RORB: variants seen among roughly 807,000 people sequenced by gnomAD.
The protein encoded by RORB is RAR related orphan receptor B.
Under a neutral mutation model 59.1 loss-of-function variants are expected in RORB, and 6 were observed. The ratio of observed to expected loss-of-function variants is 0.10; its 90% CI spans 0.06 to 0.20. The LOEUF (loss-of-function observed/expected upper bound fraction) is 0.20, where lower values mean the gene tolerates loss of function less well. RORB is among the 10% of genes least tolerant of loss of function. RORB has a pLI of 1.00. For missense variants in RORB, 320 were observed against 560.5 expected, an observed-to-expected ratio of 0.57 and a Z score of 4.33; for synonymous variants, 215 against 204.5, an observed-to-expected ratio of 1.05 and a Z score of -0.44.
intron 1 of RORB, among the ~76,000 whole-genome samples, chr9:74,570,941 C>T (rs1221551696): frequency 2.0e-5 from 3 of 151,210 alleles, no homozygotes; most frequent in Admixed American, 2.0e-4. Flanking sequence ...TTCTGGGAAT[C>T]ACACTATTGT....
intron 1 of RORB, among the ~76,000 whole-genome samples, chr9:74,560,754 TCA>T (rs1260850607): frequency 1.3e-5 from 2 of 152,044 alleles, no homozygotes; most frequent in Non-Finnish European, 2.9e-5. Context: ...TACGTGATTA[TCA>T]CAGTTTATTT....
intron 1 of RORB, among the ~76,000 whole-genome samples, chr9:74,589,304 T>G (rs1444249066): frequency 2.0e-5 from 3 of 152,200 alleles, no homozygotes; most frequent in Non-Finnish European, 4.4e-5. Flanking sequence ...TTTAAGTGTG[T>G]TCCTGTGTCT....
At chr9:74,590,959 C>G (rs1741716350) in intron 1 of RORB, among the ~76,000 whole-genome samples, 1 of 152,054 alleles carries the variant, frequency 6.6e-6, no homozygotes, top group South Asian at 2.1e-4. Flanking sequence ...CCAGGCCCAG[C>G]TAACTTTTTG....
chr9:74,580,504 A>G (rs1417472067), intron 1 of RORB, among the ~76,000 whole-genome samples: 1 of 152,198 alleles, frequency 6.6e-6, no homozygotes, highest in East Asian at 1.9e-4. Context: ...GTAAAGTCTC[A>G]TTGGTACACT....
Position 74,685,851 on chromosome 9 carries a change from C to T in RORB, c.*233C>T, listed in dbSNP as rs1009247937. Reference sequence around the variant, plus strand: ...ACCATAAATATACAAATATAGGACACTGGGTGTTATCCTTTTTTTAATTTT... The same window carrying T: ...ACCATAAATATACAAATATAGGACATTGGGTGTTATCCTTTTTTTAATTTT... On this transcript the variant is annotated 3_prime_UTR_variant, in exon 10 of 10. Transcript: ENST00000376896. 6.2e-6 allele frequency: 2 copies of T among 321,090 alleles called. No individual in the cohort carries two copies. The highest frequency in any genetic ancestry group is 1.1e-5 in the Non-Finnish European group (2 of 177,486). 19.9% of individuals were successfully genotyped at this position (321,090 alleles called of 1,614,324 possible). A position where few individuals can be genotyped will look rare whatever the true frequency, so the allele number is the denominator to read the frequency against.
chr9:74,657,194 C>T (rs1001934653), intron 4 of RORB, among the ~76,000 whole-genome samples: 5 of 152,096 alleles, frequency 3.3e-5, no homozygotes, highest in African/African-American at 4.8e-5. Flanking sequence ...TACAGGCACC[C>T]GCCACCATGC....
rs867220586 is a variant in RORB at position 74,556,381 on chromosome 9, C to T, written c.7+58398C>T. Among the ~76,000 whole-genome samples the T allele has an allele frequency of 2.6e-5, 4 of 152,146 alleles. No homozygotes were observed. The South Asian group carries it at 8.3e-4, about 32-fold the overall frequency. ...TAAAATGAGCCTTTCAAAAGGAACT[C>T]TTGCTTTTAAAATGTGGCATAAATG... On this transcript the variant is annotated intron_variant, in intron 1 of 9. Transcript: ENST00000376896.
intron 9 of RORB, among the ~76,000 whole-genome samples, chr9:74,683,165 C>A (rs1824574701): frequency 6.6e-6 from 1 of 152,210 alleles, no homozygotes; most frequent in South Asian, 2.1e-4. Flanking sequence ...AAGAGCTCTG[C>A]ACATCATCAA....
intron 4 of RORB, among the ~76,000 whole-genome samples, chr9:74,655,455 T>A (rs1376143461): frequency 1.3e-5 from 2 of 152,224 alleles, no homozygotes; most frequent in Non-Finnish European, 2.9e-5. Flanking sequence ...TGAAAACAGC[T>A]GCAATCCAAG....
intron 4 of RORB, among the ~76,000 whole-genome samples, chr9:74,652,598 G>A (rs1824012839): frequency 6.6e-6 from 1 of 151,836 alleles, no homozygotes; most frequent in Admixed American, 6.6e-5. Context: ...TTAAAAGTTA[G>A]CATAGTATCT....
chr9:74,625,666 C>T (rs73547370), intron 1 of RORB, among the ~76,000 whole-genome samples: 4,890 of 152,230 alleles, frequency 0.032, 256 homozygotes, highest in African/African-American at 0.11. Context: ...TATCAAATCT[C>T]GTGGTTGTAC....
intron 8 of RORB, among the ~76,000 whole-genome samples, chr9:74,671,567 G>A (rs1824346146): frequency 6.6e-6 from 1 of 152,180 alleles, no homozygotes; most frequent in Non-Finnish European, 1.5e-5. Flanking sequence ...GAACCATTGT[G>A]TCCTTTCCTC....
intron 1 of RORB, among the ~76,000 whole-genome samples, chr9:74,558,787 C>G (rs1005275344): frequency 2.0e-5 from 3 of 152,034 alleles, no homozygotes; most frequent in Admixed American, 6.6e-5. Flanking sequence ...AATCTGCAAG[C>G]CCCGCTTGTG....
At chr9:74,646,311 C>A (rs1227806680) in intron 4 of RORB, among the ~76,000 whole-genome samples, 1 of 152,070 alleles carries the variant, frequency 6.6e-6, no homozygotes, top group Non-Finnish European at 1.5e-5. Flanking sequence ...ACTAAGATCT[C>A]ATGAGTTTGA....
At chr9:74,533,767 G>A (rs1826280646) in intron 1 of RORB, among the ~76,000 whole-genome samples, 1 of 152,006 alleles carries the variant, frequency 6.6e-6, no homozygotes, top group South Asian at 2.1e-4. Flanking sequence ...CTAGATAAAT[G>A]TCTAATTCCT....
chr9:74,571,673 C>T (rs1273584923), intron 1 of RORB, among the ~76,000 whole-genome samples: 2 of 151,872 alleles, frequency 1.3e-5, no homozygotes, highest in Admixed American at 6.6e-5. Context: ...TTGTTTTAAA[C>T]TTTGAGGTTA....
Position 74,686,580 on chromosome 9 carries a change from T to C in RORB, c.*962T>C, listed in dbSNP as rs1358295888. 6.6e-6 allele frequency: 1 copy of C among 152,220 alleles called. No individual in the cohort carries two copies. The highest frequency in any genetic ancestry group is 1.5e-5 in the Non-Finnish European group (1 of 68,020). 9.4% of individuals were successfully genotyped at this position (152,220 alleles called of 1,614,324 possible). A position where few individuals can be genotyped will look rare whatever the true frequency, so the allele number is the denominator to read the frequency against. On this transcript the variant is annotated 3_prime_UTR_variant, in exon 10 of 10. Transcript: ENST00000376896. ...TTCTGGTTGTGAAACAAGCTTGATT[T>C]CAGTGCTTATTGTGTCTTCAACTGA...
intron 6 of RORB, among the ~76,000 whole-genome samples, chr9:74,663,987 C>G (rs918015887): frequency 1.3e-5 from 2 of 152,064 alleles, no homozygotes; most frequent in African/African-American, 4.8e-5. Flanking sequence ...AAGCCCCACC[C>G]AGATTCAAAG....
intron 1 of RORB, among the ~76,000 whole-genome samples, chr9:74,523,127 T>C (rs1826106165): frequency 6.6e-6 from 1 of 151,870 alleles, no homozygotes; most frequent in Admixed American, 6.6e-5. Flanking sequence ...GCTATAGTCT[T>C]ATGTTTTTCC....
Sources: allele counts gnomAD v4.1 joint callset (sites outside exome capture counted in the v4.1 genomes callset), GRCh38; gene constraint gnomAD v4.1.1; transcripts MANE v1.5; gene names NCBI Gene and HGNC (gene_info 2026-07-23, HGNC 2026-07-21).